The following DLG5 variants were observed in gnomAD, a reference collection of about 807,000 sequenced individuals.
DLG5 encodes discs large MAGUK scaffold protein 5.
DLG5 carries 48 observed loss-of-function variants against 189.8 expected under a neutral mutation model. That is an observed-to-expected ratio of 0.25 (90% CI 0.20 to 0.32). The LOEUF (loss-of-function observed/expected upper bound fraction) is 0.32, where lower values mean the gene tolerates loss of function less well. DLG5 is among the 10% of genes least tolerant of loss of function. The pLI is 1.00. For synonymous variants in DLG5, 1,016 were observed against 1,054.1 expected, an observed-to-expected ratio of 0.96 and a Z score of 0.70; for missense variants, 2,160 against 2,544.7, an observed-to-expected ratio of 0.85 and a Z score of 3.25.
chr10:77,926,968 T>G (rs1846720929), upstream of DLG5: 1 of 376,426 alleles, frequency 2.7e-6, no homozygotes, highest in Admixed American at 3.0e-5. This position sits in a 1 kb window ranked among gnomAD's most constrained non-coding sequence, Gnocchi z 5.2. Flanking sequence ...GAAAGTCGCC[T>G]GGGCCGTGTT....
At chr10:77,833,859 G>C (rs1842992391) in intron 9 of DLG5, 55 bp downstream of exon 9, 11 of 1,590,676 alleles carry the variant, frequency 6.9e-6, no homozygotes, top group Non-Finnish European at 9.4e-6. Flanking sequence ...GAAGGGAGAG[G>C]GGCCCCAGGC....
intron 1 of DLG5, among the ~76,000 whole-genome samples, chr10:77,875,294 A>T: frequency 6.6e-6 from 1 of 152,200 alleles, no homozygotes; most frequent in Non-Finnish European, 1.5e-5. Flanking sequence ...GCCTTGGATA[A>T]GCACATGAGA....
At chr10:77,898,242 G>A (rs1390069393) in intron 1 of DLG5, among the ~76,000 whole-genome samples, 1 of 152,224 alleles carries the variant, frequency 6.6e-6, no homozygotes, top group African/African-American at 2.4e-5. Flanking sequence ...CCTGGATTCT[G>A]TTTCCACATC....
intron 13 of DLG5, 76 bp downstream of exon 13, chr10:77,828,806 T>C: frequency 2.1e-6 from 3 of 1,459,802 alleles, no homozygotes; most frequent in Non-Finnish European, 1.9e-6. Context: ...CTTTGCTCAT[T>C]ACTTCTTGCT....
intron 5 of DLG5, among the ~76,000 whole-genome samples, chr10:77,844,436 A>C (rs1024889268): frequency 1.1e-4 from 16 of 152,214 alleles, no homozygotes; most frequent in African/African-American, 3.6e-4. Flanking sequence ...ATAATTACAT[A>C]CTGAATCTTT....
chr10:77,922,946 C>A (rs143264527), intron 1 of DLG5, among the ~76,000 whole-genome samples: 4 of 152,346 alleles, frequency 2.6e-5, no homozygotes, highest in Non-Finnish European at 5.9e-5. Flanking sequence ...CCCACCAACA[C>A]CCAGGCACAT....
At position 77,801,065 on chromosome 10, in the gene DLG5, C is replaced by T. The variant is rs917867462; in HGVS notation, c.5165-4471G>A. On this transcript the variant is annotated intron_variant, in intron 27 of 31. Coordinates refer to ENST00000372391, the MANE Select transcript of DLG5 (RefSeq NM_004747.4). ...AACATCACTCGGAGCCCTGAAAATC[C>T]CCTAAACATAACTTCTGACATCTCA... is the stretch of plus-strand genomic sequence containing the variant. 3.9e-5 allele frequency among the ~76,000 whole-genome samples: 6 copies of T among 152,292 alleles called. No homozygotes were observed. The Middle Eastern group carries it at 0.01, about 259-fold the overall frequency.
Position 77,926,664 on chromosome 10 carries a change from G to A in DLG5, c.-144C>T. On this transcript the variant is annotated 5_prime_UTR_variant, in exon 1 of 32. Transcript: ENST00000372391. The surrounding 1 kb of genome is among the most constrained non-coding windows in gnomAD (Gnocchi z 5.2). Reference sequence around the variant, plus strand: ...GAGCCATGGGCCGGGGCCTGGGCGGGCTGGGGGCCCGGGGCGGCGGGCGGC... The same window carrying A: ...GAGCCATGGGCCGGGGCCTGGGCGGACTGGGGGCCCGGGGCGGCGGGCGGC... 1 of 488,200 alleles carries A rather than the reference G, an allele frequency of 2.0e-6. No individual in the cohort carries two copies. Among genetic ancestry groups the A allele is most frequent in the Non-Finnish European group, 2.7e-6 (1 of 374,900 alleles). The allele number at this position is 488,200 out of a possible 1,614,324, so 30.2% of individuals were successfully genotyped here.
chr10:77,864,374 C>G (rs1337108307), intron 2 of DLG5, among the ~76,000 whole-genome samples: 1 of 152,198 alleles, frequency 6.6e-6, no homozygotes, highest in African/African-American at 2.4e-5. Context: ...TGGCAGAGCA[C>G]AGTCATCAGA....
intron 27 of DLG5, among the ~76,000 whole-genome samples, chr10:77,799,261 A>G (rs538982043): frequency 4.5e-4 from 68 of 152,328 alleles, no homozygotes; most frequent in African/African-American, 1.6e-3. Context: ...GCTTTCTTTA[A>G]AAGGTGCTGT....
chr10:77,793,718 A>G (rs1004250660), intron 31 of DLG5: 39 of 431,030 alleles, frequency 9.0e-5, no homozygotes, highest in African/African-American at 6.7e-4. Context: ...TGGCTGCACT[A>G]AACTGCACCT....
At chr10:77,898,146 T>A (rs1209438720) in intron 1 of DLG5, among the ~76,000 whole-genome samples, 1 of 152,108 alleles carries the variant, frequency 6.6e-6, no homozygotes, top group Non-Finnish European at 1.5e-5. Context: ...TCAGCGCAGG[T>A]GACCAAGTGG....
the DLG5 span, among the ~76,000 whole-genome samples, chr10:77,936,343 C>G: frequency 6.6e-6 from 1 of 150,570 alleles, no homozygotes; most frequent in Admixed American, 6.7e-5. Flanking sequence ...GAGGCAGAGG[C>G]AGGAGAATCC....
At chr10:77,936,201 A>T in the DLG5 span, among the ~76,000 whole-genome samples, 11 of 152,290 alleles carry the variant, frequency 7.2e-5, 1 homozygote, top group East Asian at 7.7e-4. Context: ...GCACTTTGGG[A>T]GGCCAAGGCA....
rs181009912 is a variant in DLG5 at position 77,919,169 on chromosome 10, T to C, written c.304+7048A>G. On this transcript the variant is annotated intron_variant, in intron 1 of 31. Transcript: ENST00000372391. Reference sequence around the variant, plus strand: ...AGGCAGAGGGTGCAGTAAGCTGAGATTGCACCACTGCACTCCAGCCTGGGC... The same window carrying C: ...AGGCAGAGGGTGCAGTAAGCTGAGACTGCACCACTGCACTCCAGCCTGGGC... Among the ~76,000 whole-genome samples, 149 of 152,062 alleles carry C rather than the reference T, an allele frequency of 9.8e-4. 1 individual carries two copies. The highest frequency in any genetic ancestry group is 2.9e-3 in the African/African-American group (122 of 41,466).
At position 77,868,020 on chromosome 10, in the gene DLG5, TACCAG is replaced by T. The variant is rs1324100537; in HGVS notation, c.373+1104_373+1108del. On this transcript the variant is annotated intron_variant, in intron 2 of 31. Transcript: ENST00000372391. Reference sequence around the variant, plus strand: ...CGGCAAACCAAGGAGCACCAAGGATTACCAGCAAGCCACCAGAAGCGAGGAGAGAG... The same window carrying T: ...CGGCAAACCAAGGAGCACCAAGGATTCAAGCCACCAGAAGCGAGGAGAGAG... 3.7e-5 allele frequency: 17 copies of T among 456,698 alleles called. No homozygotes were observed. In the Admixed American group the frequency reaches 3.8e-4, roughly 10 times the overall value. The allele number at this position is 456,698 out of a possible 1,614,324, so 28.3% of individuals were successfully genotyped here.
intron 27 of DLG5, among the ~76,000 whole-genome samples, chr10:77,798,241 T>C (rs919049470): frequency 6.6e-6 from 1 of 152,088 alleles, no homozygotes; most frequent in Non-Finnish European, 1.5e-5. Flanking sequence ...ATCCACACAG[T>C]CTTTTACACA....
At chr10:77,846,860 C>A (rs1378765403) in intron 5 of DLG5, 1 of 390,328 alleles carries the variant, frequency 2.6e-6, no homozygotes, top group Non-Finnish European at 5.1e-6. Flanking sequence ...CCAACGCTCT[C>A]CTGCAGCGGC....
chr10:77,814,505 A>ATC (rs1555546642), intron 20 of DLG5, among the ~76,000 whole-genome samples: 2,616 of 109,618 alleles, frequency 0.024, 92 homozygotes, highest in African/African-American at 0.028. Context: ...ATATATATAT[A>ATC]TCCAAAGGGT....
Sources: gnomAD v4.1 joint callset for allele counts (sites outside exome capture counted in the v4.1 genomes callset) on GRCh38, gnomAD v4.1.1 for gene constraint, Gnocchi (gnomAD v3.1) non-coding constraint, MANE v1.5 for transcripts, NCBI Gene and HGNC (gene_info 2026-07-23, HGNC 2026-07-21) for gene names.